The following PRAMEF27 variants were observed in gnomAD, a reference collection of about 807,000 sequenced individuals.
The protein encoded by PRAMEF27 is PRAME family member 27.
In PRAMEF27, 5 loss-of-function variants were observed where a neutral mutation model predicts 21.0. The ratio of observed to expected loss-of-function variants is 0.24; its 90% CI spans 0.12 to 0.50. PRAMEF27 has a LOEUF of 0.50. PRAMEF27 is among the 20% of genes least tolerant of loss of function. PRAMEF27 has a pLI of 0.98. For missense variants in PRAMEF27, 138 were observed against 541.4 expected, an observed-to-expected ratio of 0.25 and a Z score of 7.39; for synonymous variants, 61 against 211.2, an observed-to-expected ratio of 0.29 and a Z score of 6.17.
Position 13,053,548 on chromosome 1 carries a change from A to C in PRAMEF27, c.112T>G (p.Phe38Val). 1 of 1,546,594 alleles carries C rather than the reference A, an allele frequency of 6.5e-7. No homozygotes were observed. ...AAGGCCTCCATGAACAGTGGGGGGA[A>C]AAGTTCTGTGGGCAGCTCCTCCAGG... is the stretch of plus-strand genomic sequence containing the variant. ...STLEELPTEL[F>V]PPLFMEAFSR... The change falls in exon 2 of 4, where the codon TTC becomes GTC. Residue 38 changes from phenylalanine (F) to valine (V), a missense_variant. By Grantham distance (50) the Phe-to-Val change is conservative. Coordinates refer to ENST00000436041, the MANE Select transcript of PRAMEF27 (RefSeq NM_001300891.2).
At chr1:13,050,466 GC>G (rs1642190850) in intron 3 of PRAMEF27, 97 bp from the exon 4 acceptor site, 1 of 1,208,702 alleles carries the variant, frequency 8.3e-7, no homozygotes, top group Admixed American at 2.1e-5. Flanking sequence ...AGACCATTTT[GC>G]CCAAGTCCAG....
At position 13,053,369 on chromosome 1, in the gene PRAMEF27, G is replaced by C; in HGVS notation, c.291C>G (p.Pro97=). 12 of 1,484,110 alleles carry C rather than the reference G, an allele frequency of 8.1e-6. 3 individuals are homozygous for C. The highest frequency in any genetic ancestry group is 1.9e-5 in the Admixed American group (1 of 53,678). The allele number at this position is 1,484,110 out of a possible 1,614,324, so 91.9% of individuals were successfully genotyped here. A position where few individuals can be genotyped will look rare whatever the true frequency, so the allele number is the denominator to read the frequency against. ...LDALLTQGVC[P]RRWKLQVLDL... ...CCAGCCCACCTGGGCCACCTCACCTGGGACAAACCCCTTGGGTAAGCAGTG... is the reference window on the plus strand; with the variant it reads ...CCAGCCCACCTGGGCCACCTCACCTCGGACAAACCCCTTGGGTAAGCAGTG... Residue 97 remains proline (P), a splice_region_variant and synonymous_variant, in exon 2 of 4, where the codon CCC becomes CCG. Transcript: ENST00000436041.
chr1:13,055,630 A>G, intron 1 of PRAMEF27: 1 of 151,146 alleles, frequency 6.6e-6, no homozygotes, highest in Non-Finnish European at 1.5e-5. Flanking sequence ...TTTTTGATTG[A>G]TTTTGTTTTT....
Position 13,049,998 on chromosome 1 carries a change from G to C in PRAMEF27, c.1247C>G (p.Pro416Arg). ...AGCACCATAACTCTCCCGCGGGGCAGGATACACCTCCACGCATAAGTTTTT... is the reference window on the plus strand; with the variant it reads ...AGCACCATAACTCTCCCGCGGGGCACGATACACCTCCACGCATAAGTTTTT... The part of the protein sequence containing the change: ...ILKNLCVEVY[P>R]APRESYGADG... The change falls in exon 4 of 4, where the codon CCT becomes CGT. Residue 416 changes from proline (P) to arginine (R), a missense_variant. Transcript: ENST00000436041. The C allele has an allele frequency of 2.8e-6, 4 of 1,437,198 alleles. 1 individual carries two copies. The highest frequency in any genetic ancestry group is 3.7e-6 in the Non-Finnish European group (4 of 1,087,136). 89.0% of individuals were successfully genotyped at this position (1,437,198 alleles called of 1,614,324 possible).
Position 13,053,699 on chromosome 1 carries a change from A to T in PRAMEF27, c.-16-24T>A. 3.2e-6 allele frequency: 5 copies of T among 1,587,266 alleles called. No individual in the cohort carries two copies. In the South Asian group the frequency reaches 5.6e-5, roughly 18 times the overall value. On this transcript the variant is annotated intron_variant, in intron 1 of 3. Coordinates refer to ENST00000436041, the MANE Select transcript of PRAMEF27 (RefSeq NM_001300891.2). ...AACTTCCAGAGGACAAACCCAGAGAAAAGGCATCACTCTCAGGCCAAGCCC... is the reference window on the plus strand; with the variant it reads ...AACTTCCAGAGGACAAACCCAGAGATAAGGCATCACTCTCAGGCCAAGCCC...
At chr1:13,056,281 T>C (rs1166548096) in intron 1 of PRAMEF27, 133 bp downstream of exon 1, 1 of 118,348 alleles carries the variant, frequency 8.4e-6, no homozygotes, top group Non-Finnish European at 1.6e-5. Context: ...AATTCAAAGC[T>C]TCAAATTGTT....
chr1:13,055,464 G>C (rs1642236762), intron 1 of PRAMEF27: 1 of 68,540 alleles, frequency 1.5e-5, no homozygotes. Context: ...GCACCATCTT[G>C]GCTCACTGTT....
rs1365898276 is a variant in PRAMEF27, at chr1:13,049,868, G to A, written c.1377C>T (p.Asn459=). 2.8e-6 allele frequency: 4 copies of A among 1,416,194 alleles called. 1 individual carries two copies. The East Asian group carries it at 1.0e-4, about 37-fold the overall frequency. 87.7% of individuals were successfully genotyped at this position (1,416,194 alleles called of 1,614,324 possible). ...ATGACCTGTTGCCACAGTCAGGGCA[G>A]TTATCAATACAGAAAAAGATCCTCT... is the stretch of plus-strand genomic sequence containing the variant. ...HPKRIFFCID[N]CPDCGNRSFY... Residue 459 remains asparagine, a synonymous_variant, in exon 4 of 4, where the codon AAC becomes AAT. Transcript: ENST00000436041.
chr1:13,053,631 C>T lies in PRAMEF27; in HGVS notation c.29G>A (p.Arg10Lys). Reference sequence around the variant, plus strand: ...GCTCCGCCCCGCAAGCTCCAGGAGTCTGGGTGGAGTCCGGATGCTCATCTT... The same window carrying T: ...GCTCCGCCCCGCAAGCTCCAGGAGTTTGGGTGGAGTCCGGATGCTCATCTT... The part of the protein sequence containing the change: MKMSIRTPP[R>K]LLELAGRSLL... The change falls in exon 2 of 4, where the codon AGA (arginine) becomes AAA (lysine). Residue 10 changes from arginine to lysine, a missense_variant. Coordinates refer to ENST00000436041, the MANE Select transcript of PRAMEF27 (RefSeq NM_001300891.2). The T allele has an allele frequency of 6.3e-7, 1 of 1,596,882 alleles. No homozygotes were observed. The highest frequency in any genetic ancestry group is 2.2e-5 in the East Asian group (1 of 44,698).
chr1:13,053,504 C>G lies in PRAMEF27; in HGVS notation c.156G>C (p.Glu52Asp). 6.8e-7 allele frequency: 1 copy of G among 1,474,758 alleles called. No individual in the cohort carries two copies. Among genetic ancestry groups the G allele is most frequent in the Non-Finnish European group, 9.0e-7 (1 of 1,116,144 alleles). 91.4% of individuals were successfully genotyped at this position (1,474,758 alleles called of 1,614,324 possible). The change falls in exon 2 of 4, where the codon GAG (glutamate) becomes GAC (aspartate). Residue 52 changes from glutamate to aspartate, a missense_variant. Physicochemically the swap from Glu to Asp is conservative, Grantham distance 45. Coordinates refer to ENST00000436041, the MANE Select transcript of PRAMEF27 (RefSeq NM_001300891.2). ...FMEAFSRRCCEALKLMVQAWP... is the reference protein window; with the variant it reads ...FMEAFSRRCCDALKLMVQAWP... ...AGGCCTGCACCATCAGCTTCAGGGCCTCACAGCATCTCCTGCTGAAGGCCT... is the reference window on the plus strand; with the variant it reads ...AGGCCTGCACCATCAGCTTCAGGGCGTCACAGCATCTCCTGCTGAAGGCCT...
intron 3 of PRAMEF27, chr1:13,051,830 A>G (rs1426446310): frequency 1.4e-5 from 7 of 509,482 alleles, no homozygotes; most frequent in South Asian, 2.6e-5. Context: ...ACACGTCCTC[A>G]GGAAGAATTC....
chr1:13,053,740 C>G lies in PRAMEF27; in HGVS notation c.-16-65G>C, dbSNP rs1167595722. ...GGCCAAGCCCATGCAATCTCATCTT[C>G]TCCTATGGCCAAACTCACTGCTCTG... On this transcript the variant is annotated intron_variant, in intron 1 of 3. Coordinates refer to ENST00000436041, the MANE Select transcript of PRAMEF27 (RefSeq NM_001300891.2). The G allele has an allele frequency of 9.1e-6, 14 of 1,540,818 alleles. No individual in the cohort carries two copies. In the East Asian group the frequency reaches 1.7e-4, roughly 19 times the overall value.
rs1262688372 is a variant in PRAMEF27 at position 13,053,900 on chromosome 1, C to G, written c.-16-225G>C. 4.3e-5 allele frequency: 25 copies of G among 586,108 alleles called. 4 individuals carry two copies. The Admixed American group carries it at 8.7e-4, about 20-fold the overall frequency. The allele number at this position is 586,108 out of a possible 1,614,324, so 36.3% of individuals were successfully genotyped here. ...GGAAGCAGGGTCACCACGAGCCCTT[C>G]CTTTCTATCCAGTGCTCCATCCAGT... On this transcript the variant is annotated intron_variant, in intron 1 of 3. Coordinates refer to ENST00000436041, the MANE Select transcript of PRAMEF27 (RefSeq NM_001300891.2).
rs1172125965 is a variant in PRAMEF27 at position 13,050,005 on chromosome 1, C to A, written c.1240G>T (p.Val414Leu). Residue 414 changes from valine (V) to leucine (L), a missense_variant, in exon 4 of 4, where the codon GTG (valine) becomes TTG (leucine). By Grantham distance (32) the Val-to-Leu change is conservative (BLOSUM62 1). Coordinates refer to ENST00000436041, the MANE Select transcript of PRAMEF27 (RefSeq NM_001300891.2). ...TAACTCTCCCGCGGGGCAGGATACACCTCCACGCATAAGTTTTTGAGTATG... is the reference window on the plus strand; with the variant it reads ...TAACTCTCCCGCGGGGCAGGATACAACTCCACGCATAAGTTTTTGAGTATG... ...TIILKNLCVE[V>L]YPAPRESYGA... is the part of the protein sequence containing the mutation. The A allele has an allele frequency of 1.4e-6, 2 of 1,427,348 alleles. 1 individual carries two copies. The highest frequency in any genetic ancestry group is 1.9e-6 in the Non-Finnish European group (2 of 1,077,554). The allele number at this position is 1,427,348 out of a possible 1,614,324, so 88.4% of individuals were successfully genotyped here. A position where few individuals can be genotyped will look rare whatever the true frequency, so the allele number is the denominator to read the frequency against.
intron 3 of PRAMEF27, chr1:13,050,855 A>AC (rs2100233920): frequency 8.2e-6 from 1 of 122,206 alleles, no homozygotes; most frequent in South Asian, 2.8e-4. Flanking sequence ...AAAAGAAGGA[A>AC]AAAAAATAAT....
At chr1:13,055,998 G>A (rs1642243185) in intron 1 of PRAMEF27, 1 of 121,366 alleles carries the variant, frequency 8.2e-6, no homozygotes, top group Non-Finnish European at 1.6e-5. Context: ...AAAGGTTGCA[G>A]GGAGTTGAGA....
chr1:13,053,813 A>T (rs1382625793), intron 1 of PRAMEF27, 138 bp from the exon 2 acceptor site: 1 of 1,188,540 alleles, frequency 8.4e-7, no homozygotes, highest in Non-Finnish European at 1.1e-6. Flanking sequence ...CCCTGTACTC[A>T]GTGGCCATTA....
At chr1:13,056,211 C>T (rs1413263765) in intron 1 of PRAMEF27, 2 of 118,028 alleles carry the variant, frequency 1.7e-5, no homozygotes, top group Admixed American at 1.5e-4. Flanking sequence ...TTTAAAATGG[C>T]ATCAACCAAA....
intron 3 of PRAMEF27, 144 bp from the exon 4 acceptor site, chr1:13,050,513 T>G: frequency 7.7e-7 from 1 of 1,301,712 alleles, no homozygotes. Context: ...ACACTTAGAA[T>G]GATGTGTGAT....
Sources: allele counts gnomAD v4.1 joint callset, GRCh38; gene constraint gnomAD v4.1.1; transcripts MANE v1.5; gene names NCBI Gene and HGNC (gene_info 2026-07-23, HGNC 2026-07-21).